The following SUSD5 variants were observed in gnomAD, a reference collection of about 807,000 sequenced individuals.
SUSD5 encodes sushi domain-containing protein 5.
SUSD5 carries 33 observed loss-of-function variants against 29.5 expected under a neutral mutation model. The observed-to-expected ratio is 1.12, with a 90% CI of 0.85 to 1.49. The LOEUF is 1.49. Among genes scored for constraint, SUSD5 ranks in the 40% most tolerant of loss-of-function variants. The pLI is 0.00. For missense variants in SUSD5, 776 were observed against 800.6 expected, an observed-to-expected ratio of 0.97 and a Z score of 0.37; for synonymous variants, 308 against 325.3, an observed-to-expected ratio of 0.95 and a Z score of 0.57.
intron 4 of SUSD5, among the ~76,000 whole-genome samples, chr3:33,172,684 C>T (rs917232173): frequency 5.3e-5 from 8 of 152,222 alleles, no homozygotes; most frequent in Admixed American, 6.5e-5. Context: ...CAGCACTTGT[C>T]CCAGTCTGTA....
Position 33,209,774 on chromosome 3 carries a change from A to G in SUSD5, c.291-1848T>C, listed in dbSNP as rs562309164. Among the ~76,000 whole-genome samples the G allele has an allele frequency of 1.9e-3, 293 of 151,814 alleles. 7 individuals carry two copies. Among genetic ancestry groups the G allele is most frequent in the Admixed American group, 0.019 (292 of 15,262 alleles). Reference sequence around the variant, plus strand: ...GTGATCCTCCTGCCTCAGCCTCCCAAGTAGCTGGGACTATAGGCATGCACC... The same window carrying G: ...GTGATCCTCCTGCCTCAGCCTCCCAGGTAGCTGGGACTATAGGCATGCACC... On this transcript the variant is annotated intron_variant, in intron 2 of 4. Transcript: ENST00000309558.
chr3:33,218,663 C>A, intron 1 of SUSD5, 23 bp downstream of exon 1: 1 of 1,277,638 alleles, frequency 7.8e-7, no homozygotes, highest in South Asian at 2.5e-5. Context: ...CACCCCCCGC[C>A]CCGCCGCCTC....
chr3:33,216,808 T>C (rs2032435210), intron 1 of SUSD5, among the ~76,000 whole-genome samples: 1 of 152,160 alleles, frequency 6.6e-6, no homozygotes, highest in Non-Finnish European at 1.5e-5. Flanking sequence ...TGGTGGCAGC[T>C]AAGAATTTAG....
chr3:33,162,315 A>C (rs781595141), intron 4 of SUSD5, among the ~76,000 whole-genome samples: 1 of 152,214 alleles, frequency 6.6e-6, no homozygotes, highest in Non-Finnish European at 1.5e-5. Flanking sequence ...GCTCGGGGGA[A>C]GTTATACCTT....
chr3:33,183,559 C>A (rs1484516744), intron 3 of SUSD5, among the ~76,000 whole-genome samples: 1 of 152,102 alleles, frequency 6.6e-6, no homozygotes, highest in East Asian at 1.9e-4. Context: ...TCCTCCTGCC[C>A]CCTGTATCAT....
At chr3:33,212,093 T>A (rs534550271) in intron 2 of SUSD5, among the ~76,000 whole-genome samples, 62 of 152,300 alleles carry the variant, frequency 4.1e-4, no homozygotes, top group Middle Eastern at 6.8e-3. Context: ...TAGGAGGATA[T>A]TGAATGTTCC....
chr3:33,162,165 C>T (rs4678488), intron 4 of SUSD5, among the ~76,000 whole-genome samples: 40,824 of 152,008 alleles, frequency 0.27, 6,074 homozygotes, highest in East Asian at 0.51. Flanking sequence ...AAAAATTCCC[C>T]TATGTATAGA....
intron 4 of SUSD5, among the ~76,000 whole-genome samples, chr3:33,172,621 A>C (rs2031460023): frequency 6.6e-6 from 1 of 152,270 alleles, no homozygotes; most frequent in Non-Finnish European, 1.5e-5. Flanking sequence ...ACAAAGCAAC[A>C]GGAACAGAAG....
chr3:33,218,271 G>A (rs983560137), intron 1 of SUSD5, among the ~76,000 whole-genome samples: 17 of 152,192 alleles, frequency 1.1e-4, no homozygotes, highest in Non-Finnish European at 2.2e-4. Context: ...CAAAATATCC[G>A]AGGGAGTTTT....
At position 33,208,982 on chromosome 3, in the gene SUSD5, A is replaced by C. The variant is rs116421337; in HGVS notation, c.291-1056T>G. ...TCCTCCTGCCTGAAGAGCACTTGTT[A>C]GTGTTTAAGTGCAGACTGGATGTAA... On this transcript the variant is annotated intron_variant, in intron 2 of 4. Coordinates refer to ENST00000309558, the MANE Select transcript of SUSD5 (RefSeq NM_015551.2). Among the ~76,000 whole-genome samples, 474 of 152,212 alleles carry C rather than the reference A, an allele frequency of 3.1e-3. 4 individuals are homozygous for C. Among genetic ancestry groups the C allele is most frequent in the African/African-American group, 0.011 (461 of 41,532 alleles).
Position 33,208,036 on chromosome 3 carries a change from T to C in SUSD5, c.291-110A>G, listed in dbSNP as rs992552071. On this transcript the variant is annotated intron_variant, in intron 2 of 4. Transcript: ENST00000309558. ...AATCAGCAGAGATTTTTCTGATTCA[T>C]GAGCTCTGTCTGAAAGCATAAATCT... is the stretch of plus-strand genomic sequence containing the variant. 4 of 770,746 alleles carry C rather than the reference T, an allele frequency of 5.2e-6. No individual in the cohort carries two copies. The Middle Eastern group carries it at 1.1e-3, about 206-fold the overall frequency. 47.7% of individuals were successfully genotyped at this position (770,746 alleles called of 1,614,324 possible). A position where few individuals can be genotyped will look rare whatever the true frequency, so the allele number is the denominator to read the frequency against.
rs533378604 is a variant in SUSD5, at chr3:33,217,629, C to A, written c.112+1057G>T. Reference sequence around the variant, plus strand: ...AAGCCTGCACTTAAAACAGAGAGCACTAAAAACTCTACGACCTAGACGGTT... The same window carrying A: ...AAGCCTGCACTTAAAACAGAGAGCAATAAAAACTCTACGACCTAGACGGTT... On this transcript the variant is annotated intron_variant, in intron 1 of 4. Coordinates refer to ENST00000309558, the MANE Select transcript of SUSD5 (RefSeq NM_015551.2). 4.6e-5 allele frequency among the ~76,000 whole-genome samples: 7 copies of A among 151,938 alleles called. No individual in the cohort carries two copies. In the South Asian group the frequency reaches 1.5e-3, roughly 32 times the overall value.
Position 33,204,984 on chromosome 3 carries a change from CCACACCACACACA to C in SUSD5, c.409+2811_409+2823del, listed in dbSNP as rs1198642191. ...CCTCTCTCCACACCTCTTCCTCTCT[CCACACCACACACA>C]CACACGTGTGTGTGTATACATATAT... On this transcript the variant is annotated intron_variant, in intron 3 of 4. Coordinates refer to ENST00000309558, the MANE Select transcript of SUSD5 (RefSeq NM_015551.2). This position sits in a 1 kb window ranked among gnomAD's most constrained non-coding sequence, Gnocchi z 4.5. 1.3e-5 allele frequency among the ~76,000 whole-genome samples: 2 copies of C among 152,002 alleles called. No individual in the cohort carries two copies. The highest frequency in any genetic ancestry group is 2.9e-5 in the Non-Finnish European group (2 of 67,982).
Position 33,213,937 on chromosome 3 carries a change from C to A in SUSD5, c.281G>T (p.Gly94Val). 6.3e-7 allele frequency: 1 copy of A among 1,598,598 alleles called. No individual in the cohort carries two copies. The highest frequency in any genetic ancestry group is 8.5e-7 in the Non-Finnish European group (1 of 1,171,776). Residue 94 changes from glycine to valine, a missense_variant, in exon 2 of 5, where the codon GGT becomes GTT. By Grantham distance (109) the Gly-to-Val change is moderately radical. Coordinates refer to ENST00000309558, the MANE Select transcript of SUSD5 (RefSeq NM_015551.2). ...AVCTTGWLAD[G>V]TLGTTVCSKG... ...TGCTCGCCTAACTTACCCAAGAGTA[C>A]CATCTGCTAGCCAGCCAGTGGTGCA...
At chr3:33,171,735 G>A (rs2031432088) in intron 4 of SUSD5, among the ~76,000 whole-genome samples, 2 of 152,112 alleles carry the variant, frequency 1.3e-5, no homozygotes, top group Admixed American at 6.6e-5. Flanking sequence ...AAAACACAAG[G>A]CTGTCAGAAC....
At chr3:33,213,283 A>G (rs1368633462) in intron 2 of SUSD5, among the ~76,000 whole-genome samples, 2 of 152,062 alleles carry the variant, frequency 1.3e-5, no homozygotes, top group African/African-American at 4.8e-5. Context: ...GCACATGCCT[A>G]TAGTCTTAGC....
chr3:33,163,865 T>G (rs1163899383), intron 4 of SUSD5, among the ~76,000 whole-genome samples: 1 of 152,126 alleles, frequency 6.6e-6, no homozygotes, highest in Non-Finnish European at 1.5e-5. Flanking sequence ...CCGGGCATGG[T>G]GGCAGGCACC....
chr3:33,185,392 C>T (rs1205677211), intron 3 of SUSD5, among the ~76,000 whole-genome samples: 1 of 152,240 alleles, frequency 6.6e-6, no homozygotes, highest in Admixed American at 6.5e-5. Context: ...CTTCCAAAAG[C>T]ATGGGGGCCC....
In SUSD5 at chr3:33,171,215, C is replaced by T. The variant is rs181206212; in HGVS notation, c.598+3671G>A. ...ATACAAAATTAGCCAGGCGTGGTGGCGCATGCCTGTAATCCCAGCTATTCG... is the reference window on the plus strand; with the variant it reads ...ATACAAAATTAGCCAGGCGTGGTGGTGCATGCCTGTAATCCCAGCTATTCG... On this transcript the variant is annotated intron_variant, in intron 4 of 4. Transcript: ENST00000309558. Among the ~76,000 whole-genome samples, 289 of 152,132 alleles carry T rather than the reference C, an allele frequency of 1.9e-3. 4 individuals carry two copies. The highest frequency in any genetic ancestry group is 6.3e-4 in the Non-Finnish European group (43 of 68,026).
Sources: gnomAD v4.1 joint callset for allele counts (sites outside exome capture counted in the v4.1 genomes callset) on GRCh38, gnomAD v4.1.1 for gene constraint, Gnocchi (gnomAD v3.1) non-coding constraint, MANE v1.5 for transcripts, NCBI Gene and HGNC (gene_info 2026-07-23, HGNC 2026-07-21) for gene names.